PTPRN2: variants seen among roughly 807,000 people sequenced by gnomAD.
PTPRN2 encodes receptor-type tyrosine-protein phosphatase N2.
PTPRN2 carries 74 observed loss-of-function variants against 118.8 expected under a neutral mutation model. That is an observed-to-expected ratio of 0.62 (90% CI 0.52 to 0.76). The LOEUF (loss-of-function observed/expected upper bound fraction) is 0.76. Ranked by LOEUF, PTPRN2 falls within the 30% of genes least tolerant of loss-of-function variation. The probability of loss-of-function intolerance (pLI) is 0.00; values close to 1 mark genes in which losing one functional copy is unlikely to be tolerated. For synonymous variants in PTPRN2, 641 were observed against 608.0 expected, an observed-to-expected ratio of 1.05 and a Z score of -0.80; for missense variants, 1,481 against 1,394.4, an observed-to-expected ratio of 1.06 and a Z score of -0.99.
chr7:158,441,624 G>GATA (rs2129434463), intron 2 of PTPRN2, among the ~76,000 whole-genome samples: 2 of 112,090 alleles, frequency 1.8e-5, no homozygotes, highest in South Asian at 3.0e-4. Context: ...TGGTGGTGGT[G>GATA]GTGATAGTGA....
chr7:158,178,651 G>T (rs184204651), intron 5 of PTPRN2, among the ~76,000 whole-genome samples: 338 of 134,636 alleles, frequency 2.5e-3, no homozygotes, highest in African/African-American at 9.1e-3. Flanking sequence ...AGGCTGGAGT[G>T]CAGTGGCACA....
intron 6 of PTPRN2, among the ~76,000 whole-genome samples, chr7:158,147,770 C>CCA (rs1820314232): frequency 8.0e-6 from 1 of 125,708 alleles, no homozygotes. Flanking sequence ...CCACCTCACG[C>CCA]CACGTGTTAT....
At chr7:157,980,002 G>T (rs1194997377) in intron 11 of PTPRN2, among the ~76,000 whole-genome samples, 1 of 152,170 alleles carries the variant, frequency 6.6e-6, no homozygotes, top group East Asian at 1.9e-4. Flanking sequence ...TATTTCCTCA[G>T]CAATACAAGG....
chr7:158,442,629 G>A (rs1340107072), intron 2 of PTPRN2, among the ~76,000 whole-genome samples: 2 of 152,176 alleles, frequency 1.3e-5, no homozygotes, highest in Non-Finnish European at 2.9e-5. Flanking sequence ...ACATTTACCC[G>A]AATGTTCTTC....
rs1015354160 is a variant in PTPRN2, at chr7:157,560,081, G to A, written c.2902+8821C>T. Among the ~76,000 whole-genome samples the A allele has an allele frequency of 1.3e-5, 2 of 152,144 alleles. No homozygotes were observed. The highest frequency in any genetic ancestry group is 2.9e-5 in the Non-Finnish European group (2 of 68,016). On this transcript the variant is annotated intron_variant, in intron 21 of 22. Transcript: ENST00000389418. This position sits in a 1 kb window ranked among gnomAD's most constrained non-coding sequence, Gnocchi z 6.7. Reference sequence around the variant, plus strand: ...AGGTGGGACCTGAACGACATTTTGCGGCATCCAATGGGCCTGAGGTGTCTG... The same window carrying A: ...AGGTGGGACCTGAACGACATTTTGCAGCATCCAATGGGCCTGAGGTGTCTG...
chr7:158,457,437 C>T (rs146724011), intron 2 of PTPRN2, among the ~76,000 whole-genome samples: 138 of 152,174 alleles, frequency 9.1e-4, no homozygotes, highest in African/African-American at 3.2e-3. Context: ...GGTGCTACCT[C>T]GGCCTGCGGG....
In PTPRN2 at chr7:158,273,534, ACACGGGGAGCCG is replaced by A. The variant is rs1209548901; in HGVS notation, c.277+43273_277+43284del. On this transcript the variant is annotated intron_variant, in intron 3 of 22. Transcript: ENST00000389418. ...CAGACAGACATGGGAGGAGCCGCAG[ACACGGGGAGCCG>A]CAGACACAGGGGGAGCCGCAGGCAC... 1.7e-3 allele frequency among the ~76,000 whole-genome samples: 212 copies of A among 124,402 alleles called. 52 individuals are homozygous for A. Among genetic ancestry groups the A allele is most frequent in the Middle Eastern group, 4.9e-3 (1 of 206 alleles). 81.6% of individuals were successfully genotyped at this position (124,402 alleles called of 152,430 possible).
At chr7:158,482,089 A>T (rs1820687400) in intron 2 of PTPRN2, among the ~76,000 whole-genome samples, 1 of 152,198 alleles carries the variant, frequency 6.6e-6, no homozygotes. Flanking sequence ...CAATCTCATG[A>T]TAAAACTTTA....
intron 2 of PTPRN2, among the ~76,000 whole-genome samples, chr7:158,434,737 T>C (rs557768280): frequency 1.2e-4 from 18 of 152,342 alleles, no homozygotes; most frequent in African/African-American, 3.8e-4. Context: ...CCTTTATTGC[T>C]TTCTTCTGGA....
chr7:157,628,801 C>G lies in PTPRN2; in HGVS notation c.2197-7292G>C, dbSNP rs367546944. 2.1e-3 allele frequency among the ~76,000 whole-genome samples: 325 copies of G among 152,324 alleles called. 1 individual carries two copies. Among genetic ancestry groups the G allele is most frequent in the African/African-American group, 7.4e-3 (308 of 41,570 alleles). On this transcript the variant is annotated intron_variant, in intron 14 of 22. Transcript: ENST00000389418. ...ACTGGAAAGACTCCTGAGTTCCCTC[C>G]CACGCTCTGTGGCTGCACTGCGGTT...
At chr7:157,862,282 A>G (rs1027099212) in intron 12 of PTPRN2, among the ~76,000 whole-genome samples, 1 of 152,190 alleles carries the variant, frequency 6.6e-6, no homozygotes, top group African/African-American at 2.4e-5. Context: ...GGACTTCAAC[A>G]TATCTTTCTG....
intron 12 of PTPRN2, among the ~76,000 whole-genome samples, chr7:157,694,611 C>A (rs536425292): frequency 7.9e-5 from 12 of 152,326 alleles, no homozygotes; most frequent in African/African-American, 2.9e-4. Flanking sequence ...GATTTCCATT[C>A]TATTTTTCTT....
At chr7:158,418,432 G>C (rs1322885238) in intron 2 of PTPRN2, among the ~76,000 whole-genome samples, 2 of 150,592 alleles carry the variant, frequency 1.3e-5, no homozygotes, top group African/African-American at 2.4e-5. Flanking sequence ...ACTACATCGA[G>C]ATGCTGTAGC....
At chr7:158,206,590 C>T (rs962467712) in intron 3 of PTPRN2, among the ~76,000 whole-genome samples, 11 of 151,978 alleles carry the variant, frequency 7.2e-5, no homozygotes, top group African/African-American at 2.7e-4. Context: ...AGAGACCGTC[C>T]GTTCGTTTGT....
chr7:158,080,441 C>T (rs939496465), intron 11 of PTPRN2, among the ~76,000 whole-genome samples: 12 of 150,966 alleles, frequency 7.9e-5, no homozygotes, highest in African/African-American at 2.9e-4. Context: ...ATCAATGATA[C>T]GGAACGGGAG....
chr7:158,018,092 G>A (rs1273322235), intron 11 of PTPRN2, among the ~76,000 whole-genome samples: 1 of 152,212 alleles, frequency 6.6e-6, no homozygotes, highest in Non-Finnish European at 1.5e-5. Flanking sequence ...GAGATTCTGA[G>A]CCAAGATGGG....
chr7:158,052,435 A>G (rs554182976), intron 11 of PTPRN2, among the ~76,000 whole-genome samples: 34 of 152,334 alleles, frequency 2.2e-4, no homozygotes, highest in South Asian at 4.1e-4. Flanking sequence ...AAAATAATGA[A>G]ATAAAATTAA....
At chr7:157,846,348 C>T (rs1206980464) in intron 12 of PTPRN2, among the ~76,000 whole-genome samples, 2 of 152,170 alleles carry the variant, frequency 1.3e-5, no homozygotes, top group Non-Finnish European at 1.5e-5. Flanking sequence ...TCCGTTTCTC[C>T]TTCAGAGACG....
At chr7:158,329,493 G>A (rs1803953165) in intron 2 of PTPRN2, among the ~76,000 whole-genome samples, 1 of 152,156 alleles carries the variant, frequency 6.6e-6, no homozygotes, top group African/African-American at 2.4e-5. Flanking sequence ...CAGGCCCCAA[G>A]GACGGCTCAC....
Sources: gnomAD v4.1 joint callset for allele counts (sites outside exome capture counted in the v4.1 genomes callset) on GRCh38, gnomAD v4.1.1 for gene constraint, Gnocchi (gnomAD v3.1) non-coding constraint, MANE v1.5 for transcripts, NCBI Gene and HGNC (gene_info 2026-07-23, HGNC 2026-07-21) for gene names.